KLRG1: variants seen among roughly 807,000 people sequenced by gnomAD.
The protein encoded by KLRG1 is killer cell lectin like receptor G1, also known as killer cell lectin-like receptor subfamily G member 1.
Under a neutral mutation model 21.8 loss-of-function variants are expected in KLRG1, and 16 were observed. That is an observed-to-expected ratio of 0.73 (90% CI 0.50 to 1.11). The LOEUF is 1.11. Among genes scored for constraint, KLRG1 ranks in the 50% most tolerant of loss-of-function variants. The pLI is 0.00. For synonymous variants in KLRG1, 69 were observed against 75.9 expected (o/e 0.91, Z 0.47); for missense variants, 173 against 218.3 (o/e 0.79, Z 1.31).
At chr12:9,055,720 A>G in the KLRG1 span, 1 of 152,670 alleles carries the variant, frequency 6.6e-6, no homozygotes, top group African/African-American at 2.4e-5. Flanking sequence ...CAAGCCTCAA[A>G]CATTTTCTTG....
At chr12:9,159,974 A>G in the KLRG1 span, 1 of 1,613,836 alleles carries the variant, frequency 6.2e-7, no homozygotes, top group Non-Finnish European at 8.5e-7. Flanking sequence ...TCGTTCCCCA[A>G]AGGTGCTGTA....
the KLRG1 span, chr12:9,089,890 AGG>A: frequency 1.3e-6 from 2 of 1,597,160 alleles, no homozygotes; most frequent in Middle Eastern, 1.7e-4. Context: ...TATATTATTT[AGG>A]TTTACTTACT....
chr12:8,979,261 A>G (rs867320687), intron 1 of KLRG1, among the ~76,000 whole-genome samples: 7 of 152,016 alleles, frequency 4.6e-5, no homozygotes, highest in Admixed American at 3.9e-4. Context: ...CAGGTGATCC[A>G]TCTGCCTCAG....
the KLRG1 span, among the ~76,000 whole-genome samples, chr12:9,034,014 G>C: frequency 2.6e-5 from 4 of 152,290 alleles, no homozygotes; most frequent in South Asian, 8.3e-4. Flanking sequence ...ATTCCTCAGG[G>C]ATGTATCTCT....
At chr12:9,173,854 A>G in the KLRG1 span, among the ~76,000 whole-genome samples, 6 of 152,192 alleles carry the variant, frequency 3.9e-5, no homozygotes, top group African/African-American at 1.4e-4. Flanking sequence ...CCAACCAAAA[A>G]AAGCCCAGGA....
the KLRG1 span, among the ~76,000 whole-genome samples, chr12:9,140,985 C>T: frequency 6.6e-6 from 1 of 152,082 alleles, no homozygotes; most frequent in Non-Finnish European, 1.5e-5. Context: ...AACTATATTG[C>T]CATAACTTAA....
the KLRG1 span, chr12:9,072,328 A>AAG: frequency 6.2e-7 from 1 of 1,608,574 alleles, no homozygotes; most frequent in Non-Finnish European, 8.5e-7. Context: ...GGTTATTCTT[A>AAG]GGATTAGGTG....
chr12:9,155,551 G>C, the KLRG1 span, among the ~76,000 whole-genome samples: 1 of 152,076 alleles, frequency 6.6e-6, no homozygotes, highest in Non-Finnish European at 1.5e-5. Flanking sequence ...CACTGTAGAA[G>C]TTATCTCATG....
intron 3 of KLRG1, among the ~76,000 whole-genome samples, chr12:8,997,407 T>C (rs1266028662): frequency 6.6e-6 from 1 of 152,224 alleles, no homozygotes; most frequent in African/African-American, 2.4e-5. Context: ...GTTATTATTC[T>C]TTTGTTCTCA....
the KLRG1 span, chr12:9,192,173 A>G: frequency 6.2e-7 from 1 of 1,604,730 alleles, no homozygotes. Flanking sequence ...GCAAGGAGAG[A>G]TGAATCTGAG....
the KLRG1 span, among the ~76,000 whole-genome samples, chr12:9,182,383 T>C: frequency 1.3e-5 from 2 of 151,158 alleles, no homozygotes; most frequent in Admixed American, 1.3e-4. Flanking sequence ...AACTGTTGCC[T>C]AAATCAATTA....
At chr12:8,998,802 A>G (rs1253158338) in intron 3 of KLRG1, among the ~76,000 whole-genome samples, 2 of 152,002 alleles carry the variant, frequency 1.3e-5, no homozygotes, top group Non-Finnish European at 2.9e-5. Flanking sequence ...AACTTTTTCT[A>G]CTAATTGTCT....
chr12:9,090,679 T>C, the KLRG1 span: 1 of 574,014 alleles, frequency 1.7e-6, no homozygotes, highest in East Asian at 3.2e-5. Flanking sequence ...TCTGAGTTAT[T>C]TTGGAAGCAA....
At chr12:9,185,933 G>A in the KLRG1 span, among the ~76,000 whole-genome samples, 8 of 151,218 alleles carry the variant, frequency 5.3e-5, no homozygotes, top group Admixed American at 2.6e-4. Flanking sequence ...TCAGCCTCCC[G>A]AGTAGCTGGG....
chr12:9,180,998 C>G, the KLRG1 span: 1 of 1,613,740 alleles, frequency 6.2e-7, no homozygotes, highest in Non-Finnish European at 8.5e-7. Flanking sequence ...ACACAGAGAG[C>G]TCAGCCTCAG....
At chr12:9,086,994 A>G in the KLRG1 span, among the ~76,000 whole-genome samples, 3 of 152,224 alleles carry the variant, frequency 2.0e-5, no homozygotes, top group Non-Finnish European at 2.9e-5. Context: ...TTCACTAACA[A>G]TGAATGATTG....
At chr12:9,163,667 C>T in the KLRG1 span, 2 of 1,612,920 alleles carry the variant, frequency 1.2e-6, no homozygotes, top group African/African-American at 1.3e-5. Flanking sequence ...AAATATGTTA[C>T]CTCCACCAAC....
the KLRG1 span, among the ~76,000 whole-genome samples, chr12:9,083,947 T>C: frequency 6.6e-6 from 1 of 151,532 alleles, no homozygotes; most frequent in Non-Finnish European, 1.5e-5. Flanking sequence ...AAGAAACATA[T>C]CACATACAAA....
intron 3 of KLRG1, among the ~76,000 whole-genome samples, chr12:9,000,711 G>A (rs1011470500): frequency 6.6e-6 from 1 of 152,168 alleles, no homozygotes; most frequent in Admixed American, 6.5e-5. Flanking sequence ...AGTTATGGCT[G>A]AATAACATTC....
Sources: allele counts gnomAD v4.1 joint callset (sites outside exome capture counted in the v4.1 genomes callset), GRCh38; gene constraint gnomAD v4.1.1; transcripts MANE v1.5; gene names NCBI Gene and HGNC (gene_info 2026-07-23, HGNC 2026-07-21).